The following COL14A1 variants were observed in gnomAD, a reference collection of about 807,000 sequenced individuals.
COL14A1 encodes the protein collagen alpha-1(XIV) chain.
In COL14A1, 136 loss-of-function variants were observed where a neutral mutation model predicts 230.3. The observed-to-expected ratio is 0.59, with a 90% CI of 0.51 to 0.68. COL14A1 has a LOEUF of 0.68. COL14A1 is among the 30% of genes least tolerant of loss of function. The probability of loss-of-function intolerance (pLI) is 0.00; values close to 1 mark genes in which losing one functional copy is unlikely to be tolerated. For synonymous variants in COL14A1, 792 were observed against 784.1 expected (o/e 1.01, Z -0.17); for missense variants, 1,976 against 2,215.8 (o/e 0.89, Z 2.17).
chr8:120,150,761 G>C (rs1376842286), intron 2 of COL14A1, among the ~76,000 whole-genome samples: 1 of 152,088 alleles, frequency 6.6e-6, no homozygotes, highest in Non-Finnish European at 1.5e-5. Flanking sequence ...GGACATTCAG[G>C]TGGAGATGGC....
intron 45 of COL14A1, among the ~76,000 whole-genome samples, chr8:120,349,887 G>T (rs551765269): frequency 1.0e-4 from 15 of 146,306 alleles, no homozygotes; most frequent in Non-Finnish European, 7.4e-5. Flanking sequence ...TACAGAGAAC[G>T]CTACAAAGAT....
At chr8:120,252,250 T>A (rs1235152920) in intron 22 of COL14A1, among the ~76,000 whole-genome samples, 2 of 152,160 alleles carry the variant, frequency 1.3e-5, no homozygotes, top group African/African-American at 4.8e-5. Context: ...ACGGATAAAT[T>A]CTCTAGTGGT....
At chr8:120,310,758 T>C (rs1821009558) in intron 37 of COL14A1, among the ~76,000 whole-genome samples, 1 of 152,252 alleles carries the variant, frequency 6.6e-6, no homozygotes, top group Non-Finnish European at 1.5e-5. Flanking sequence ...TCTTCACATC[T>C]GCCCCCAGAT....
chr8:120,259,474 G>A (rs1372608470), intron 23 of COL14A1, among the ~76,000 whole-genome samples: 1 of 152,110 alleles, frequency 6.6e-6, no homozygotes, highest in East Asian at 1.9e-4. Context: ...CATTTGGTCA[G>A]TTTGAATGTT....
chr8:120,216,240 A>G (rs1817744744), intron 13 of COL14A1, 111 bp from the exon 14 acceptor site: 1 of 802,378 alleles, frequency 1.2e-6, no homozygotes, highest in East Asian at 2.7e-5. Context: ...ATAAGTTATT[A>G]TCTAGGTGAC....
intron 24 of COL14A1, among the ~76,000 whole-genome samples, chr8:120,265,569 T>TCA (rs1442251109): frequency 2.6e-5 from 4 of 151,664 alleles, no homozygotes; most frequent in Non-Finnish European, 4.4e-5. Flanking sequence ...TATTTCCTTT[T>TCA]CACACACACA....
At position 120,231,592 on chromosome 8, in the gene COL14A1, G is replaced by A. The variant is rs1408314511; in HGVS notation, c.2323G>A (p.Asp775Asn). The change falls in exon 19 of 48, where the codon GAC (aspartate) becomes AAC (asparagine). Residue 775 changes from aspartate to asparagine, a missense_variant. Coordinates refer to ENST00000297848, the MANE Select transcript of COL14A1 (RefSeq NM_021110.4). ...GGTGACCTACATGACAGCTCAAGGG[G>A]ACCCTGAGGAAGAAGTCATAGGAAC... ...FRVTYMTAQGDPEEEVIGTVM... is the reference protein window; with the variant it reads ...FRVTYMTAQGNPEEEVIGTVM... 1 of 1,613,800 alleles carries A rather than the reference G, an allele frequency of 6.2e-7. No individual in the cohort carries two copies. The highest frequency in any genetic ancestry group is 2.2e-5 in the East Asian group (1 of 44,852).
chr8:120,194,076 G>A (rs1014608454), intron 5 of COL14A1, among the ~76,000 whole-genome samples: 6 of 152,138 alleles, frequency 3.9e-5, no homozygotes, highest in East Asian at 3.9e-4. Context: ...CCCACTGTCC[G>A]GCACTCCCTA....
chr8:120,211,534 CAGAAAGAATG>C (rs1193212274), intron 12 of COL14A1, among the ~76,000 whole-genome samples: 3 of 151,948 alleles, frequency 2.0e-5, no homozygotes, highest in African/African-American at 7.3e-5. Context: ...AGGTAGTGGA[CAGAAAGAATG>C]AGAAAGACCT....
chr8:120,225,312 G>A lies in COL14A1; in HGVS notation c.1864+98G>A, dbSNP rs1818061677. 3.8e-6 allele frequency: 4 copies of A among 1,040,316 alleles called. No individual in the cohort carries two copies. The South Asian group carries it at 6.6e-5, about 17-fold the overall frequency. The allele number at this position is 1,040,316 out of a possible 1,614,324, so 64.4% of individuals were successfully genotyped here. ...CCTTCTTTATTTGTGATTTTGAAGA[G>A]ATTAAATTTTAATTTTTATTTCTTT... is the stretch of plus-strand genomic sequence containing the variant. On this transcript the variant is annotated intron_variant, in intron 15 of 47. Transcript: ENST00000297848.
At chr8:120,239,208 C>T (rs1410493810) in intron 19 of COL14A1, among the ~76,000 whole-genome samples, 2 of 152,166 alleles carry the variant, frequency 1.3e-5, no homozygotes, top group Non-Finnish European at 2.9e-5. Flanking sequence ...TCTAATCAAA[C>T]CAGGTAACTC....
chr8:120,226,510 G>T lies in COL14A1; in HGVS notation c.1865-117G>T, dbSNP rs997332691. ...TGGGCCCCAGTTTTCCTTCTTTCCT[G>T]TGCTTTCCTAAAGCAAAAGATTCCT... On this transcript the variant is annotated intron_variant, in intron 15 of 47. Transcript: ENST00000297848. The T allele has an allele frequency of 2.8e-6, 3 of 1,052,810 alleles. No individual in the cohort carries two copies. The East Asian group carries it at 7.6e-5, about 27-fold the overall frequency. The allele number at this position is 1,052,810 out of a possible 1,614,324, so 65.2% of individuals were successfully genotyped here.
intron 12 of COL14A1, among the ~76,000 whole-genome samples, chr8:120,210,413 G>GTTTATA (rs1817584678): frequency 6.6e-6 from 1 of 152,140 alleles, no homozygotes; most frequent in Admixed American, 6.6e-5. Flanking sequence ...ACTCAGTATT[G>GTTTATA]CCAAATGGCT....
intron 5 of COL14A1, among the ~76,000 whole-genome samples, chr8:120,190,712 C>G (rs1428619438): frequency 1.3e-5 from 2 of 152,196 alleles, no homozygotes; most frequent in African/African-American, 4.8e-5. Context: ...ATTATTGCCA[C>G]AATTTCAGAT....
At position 120,247,156 on chromosome 8, in the gene COL14A1, G is replaced by A. The variant is rs917113867; in HGVS notation, c.2480-457G>A. 3.5e-4 allele frequency among the ~76,000 whole-genome samples: 54 copies of A among 152,230 alleles called. 2 individuals are homozygous for A. The highest frequency in any genetic ancestry group is 1.5e-5 in the Non-Finnish European group (1 of 68,052). ...TTAATATTGAAGGCTGGGCATGGTG[G>A]CTCACGCCTGTAATCCCAGCACTTT... is the stretch of plus-strand genomic sequence containing the variant. On this transcript the variant is annotated intron_variant, in intron 20 of 47. Coordinates refer to ENST00000297848, the MANE Select transcript of COL14A1 (RefSeq NM_021110.4).
intron 6 of COL14A1, among the ~76,000 whole-genome samples, chr8:120,197,225 G>T (rs904830110): frequency 6.6e-6 from 1 of 152,044 alleles, no homozygotes; most frequent in African/African-American, 2.4e-5. Context: ...AGAATTTATT[G>T]CATAGCAGTT....
intron 45 of COL14A1, among the ~76,000 whole-genome samples, chr8:120,359,308 T>C (rs1025676486): frequency 3.9e-5 from 6 of 151,908 alleles, no homozygotes; most frequent in African/African-American, 1.5e-4. Context: ...CTCCCACTTA[T>C]GAGTGAGAAT....
chr8:120,345,539 G>C lies in COL14A1; in HGVS notation c.5053G>C (p.Val1685Leu), dbSNP rs111681773. ...GTPGFPGNAG[V>L]PGTPGERGLT... ...ACCAGGCTTCCCCGGAAATGCAGGC[G>C]TGCCAGGGACCCCAGGAGAACGAGG... Residue 1685 changes from valine (V) to leucine (L), a missense_variant, in exon 45 of 48, where the codon GTG becomes CTG. Val to Leu is a conservative substitution (Grantham distance 32, BLOSUM62 1). Transcript: ENST00000297848. 105 of 1,562,622 alleles carry C rather than the reference G, an allele frequency of 6.7e-5. No homozygotes were observed. Among genetic ancestry groups the C allele is most frequent in the Non-Finnish European group, 8.9e-5 (103 of 1,161,120 alleles).
chr8:120,150,877 C>T (rs1436837954), intron 2 of COL14A1, among the ~76,000 whole-genome samples: 1 of 151,772 alleles, frequency 6.6e-6, no homozygotes, highest in Non-Finnish European at 1.5e-5. Context: ...TTTTTGAAGC[C>T]TTAGAACTAG....
Sources: allele counts gnomAD v4.1 joint callset (sites outside exome capture counted in the v4.1 genomes callset), GRCh38; gene constraint gnomAD v4.1.1; transcripts MANE v1.5; gene names NCBI Gene and HGNC (gene_info 2026-07-23, HGNC 2026-07-21).